CACNA1E: variants seen among roughly 807,000 people sequenced by gnomAD.
The protein encoded by CACNA1E is calcium voltage-gated channel subunit alpha1 E.
A neutral mutation model predicts 259.2 loss-of-function variants in CACNA1E; 40 were observed. That is an observed-to-expected ratio of 0.15 (90% CI 0.12 to 0.20). The LOEUF (loss-of-function observed/expected upper bound fraction) is 0.20. Among genes scored for constraint, CACNA1E ranks in the 10% least tolerant of loss-of-function variants. The pLI, the probability that CACNA1E is intolerant of heterozygous loss-of-function variation, is 1.00. For missense variants in CACNA1E, 1,874 were observed against 3,040.1 expected, an observed-to-expected ratio of 0.62 and a Z score of 9.02; for synonymous variants, 1,104 against 1,138.5, an observed-to-expected ratio of 0.97 and a Z score of 0.61.
chr1:181,402,618 A>G (rs1657182140), intron 1 of CACNA1E, among the ~76,000 whole-genome samples: 1 of 152,186 alleles, frequency 6.6e-6, no homozygotes, highest in African/African-American at 2.4e-5. Flanking sequence ...GCTGCTGACA[A>G]CAGCTCTGCT....
At chr1:181,461,963 C>G (rs918360501) in intron 2 of CACNA1E, among the ~76,000 whole-genome samples, 1 of 152,012 alleles carries the variant, frequency 6.6e-6, no homozygotes, top group African/African-American at 2.4e-5. Flanking sequence ...CATACATATA[C>G]CCACATACAG....
At chr1:181,731,670 G>T (rs1374369996) in intron 19 of CACNA1E, among the ~76,000 whole-genome samples, 2 of 152,092 alleles carry the variant, frequency 1.3e-5, no homozygotes, top group African/African-American at 4.8e-5. Flanking sequence ...TCTCCCATGT[G>T]CTCTCCTGCA....
At chr1:181,326,825 A>T (rs919384195) in intron 1 of CACNA1E, among the ~76,000 whole-genome samples, 31 of 152,232 alleles carry the variant, frequency 2.0e-4, no homozygotes, top group Admixed American at 1.0e-3. Flanking sequence ...TCTTTCAGCA[A>T]ATGGTACCGC....
At chr1:181,660,738 A>G (rs1423745022) in intron 7 of CACNA1E, among the ~76,000 whole-genome samples, 1 of 152,090 alleles carries the variant, frequency 6.6e-6, no homozygotes, top group East Asian at 1.9e-4. Context: ...CTCTGAGGGG[A>G]GTTGGTGGGT....
chr1:181,758,154 G>A lies in CACNA1E; in HGVS notation c.4494+43G>A. 1 of 1,587,044 alleles carries A rather than the reference G, an allele frequency of 6.3e-7. No homozygotes were observed. Among genetic ancestry groups the A allele is most frequent in the Non-Finnish European group, 8.6e-7 (1 of 1,160,110 alleles). On this transcript the variant is annotated intron_variant, in intron 31 of 47. Transcript: ENST00000367573. This position sits in a 1 kb window ranked among gnomAD's most constrained non-coding sequence, Gnocchi z 4.2. ...CAAGAGCCGACTGAGCCCCAGCGAT[G>A]GTTCCCTCCCAGGGCAAGTGGGAAG...
intron 30 of CACNA1E, 59 bp downstream of exon 30, chr1:181,757,185 C>A: frequency 1.6e-6 from 2 of 1,223,528 alleles, no homozygotes; most frequent in South Asian, 1.2e-5. Context: ...ATTCTTGGGC[C>A]AGCAATGTAA....
intron 36 of CACNA1E, chr1:181,771,702 A>T: frequency 2.1e-6 from 1 of 466,716 alleles, no homozygotes; most frequent in East Asian, 3.5e-5. Flanking sequence ...GCAAATTTTA[A>T]CTTCAACATG....
At chr1:181,325,135 T>C (rs909828994) in intron 1 of CACNA1E, among the ~76,000 whole-genome samples, 3 of 151,920 alleles carry the variant, frequency 2.0e-5, no homozygotes, top group Admixed American at 2.0e-4. Context: ...GCCGGAAGAG[T>C]TGAGTCAACA....
At chr1:181,783,395 G>A (rs937485784) in intron 39 of CACNA1E, among the ~76,000 whole-genome samples, 1 of 152,066 alleles carries the variant, frequency 6.6e-6, no homozygotes, top group Admixed American at 6.5e-5. Context: ...GGACTCCAAG[G>A]GGGGGCCTTA....
chr1:181,411,557 G>T (rs1379508767), intron 1 of CACNA1E, among the ~76,000 whole-genome samples: 1 of 152,228 alleles, frequency 6.6e-6, no homozygotes, highest in Admixed American at 6.5e-5. Flanking sequence ...CGGCTCCAGG[G>T]TCCTTTCCTT....
At chr1:181,550,608 A>T (rs560956766) in intron 3 of CACNA1E, among the ~76,000 whole-genome samples, 1 of 152,048 alleles carries the variant, frequency 6.6e-6, no homozygotes, top group East Asian at 1.9e-4. Flanking sequence ...AGGGAGAAAG[A>T]GTTTCCAGAA....
intron 1 of CACNA1E, among the ~76,000 whole-genome samples, chr1:181,484,627 G>A (rs1449364781): frequency 1.3e-5 from 2 of 152,328 alleles, no homozygotes; most frequent in Admixed American, 1.3e-4. Flanking sequence ...TGTCTGTCAG[G>A]GGAGGTGATC....
chr1:181,327,535 C>T (rs12121260), intron 1 of CACNA1E, among the ~76,000 whole-genome samples: 20,172 of 152,196 alleles, frequency 0.13, 1,503 homozygotes, highest in South Asian at 0.16. Flanking sequence ...CTGATCTCCC[C>T]AACCCCCATC....
At position 181,804,475 on chromosome 1, in the gene CACNA1E, G is replaced by C. The variant is rs1312947697; in HGVS notation, c.*5641G>C. 1 of 152,158 alleles carries C rather than the reference G, an allele frequency of 6.6e-6. No homozygotes were observed. The highest frequency in any genetic ancestry group is 2.4e-5 in the African/African-American group (1 of 41,438). The allele number at this position is 152,158 out of a possible 1,614,324, so 9.4% of individuals were successfully genotyped here. On this transcript the variant is annotated 3_prime_UTR_variant, in exon 48 of 48. Coordinates refer to ENST00000367573, the MANE Select transcript of CACNA1E (RefSeq NM_001205293.3). ...CTTCAGTGAAAGCCAAGGAGGTACA[G>C]AATTTTTTCAGGACATCTTTAACCA...
intron 2 of CACNA1E, among the ~76,000 whole-genome samples, chr1:181,431,768 G>A (rs1157283402): frequency 1.3e-5 from 2 of 152,166 alleles, no homozygotes; most frequent in Non-Finnish European, 2.9e-5. Flanking sequence ...GCAAATTCCT[G>A]CATTTTAAAA....
intron 1 of CACNA1E, among the ~76,000 whole-genome samples, chr1:181,376,617 G>T (rs1473014756): frequency 1.3e-5 from 2 of 152,148 alleles, no homozygotes; most frequent in Non-Finnish European, 2.9e-5. Context: ...GTGAGGGGTG[G>T]CTCCCACTGT....
intron 36 of CACNA1E, 119 bp from the exon 37 acceptor site, chr1:181,771,946 TA>T (rs978540403): frequency 3.4e-6 from 3 of 869,646 alleles, no homozygotes; most frequent in South Asian, 3.3e-5. Flanking sequence ...GTCAACTGGG[TA>T]AAAAGAGAGC....
At chr1:181,378,495 A>G (rs1239043700) in intron 1 of CACNA1E, among the ~76,000 whole-genome samples, 2 of 152,232 alleles carry the variant, frequency 1.3e-5, no homozygotes, top group Admixed American at 1.3e-4. Context: ...AGGGAGACCA[A>G]AGAGATTAGA....
chr1:181,737,387 T>G (rs1322958881), intron 22 of CACNA1E, 138 bp from the exon 23 acceptor site: 1 of 940,860 alleles, frequency 1.1e-6, no homozygotes, highest in African/African-American at 1.7e-5. Context: ...GCTGAGAAAT[T>G]AAATTGCTCT....
Sources: allele counts gnomAD v4.1 joint callset (sites outside exome capture counted in the v4.1 genomes callset), GRCh38; gene constraint gnomAD v4.1.1; non-coding constraint Gnocchi (gnomAD v3.1); transcripts MANE v1.5; gene names NCBI Gene and HGNC (gene_info 2026-07-23, HGNC 2026-07-21).